The following L3MBTL4 variants were observed in gnomAD, a reference collection of about 807,000 sequenced individuals.
The protein encoded by L3MBTL4 is L3MBTL histone methyl-lysine binding protein 4, also known as lethal(3)malignant brain tumor-like protein 4.
L3MBTL4 carries 70 observed loss-of-function variants against 84.5 expected under a neutral mutation model. The observed-to-expected ratio is 0.83, with a 90% CI of 0.68 to 1.01. The LOEUF (loss-of-function observed/expected upper bound fraction) is 1.01, where lower values mean the gene tolerates loss of function less well. Among genes scored for constraint, L3MBTL4 ranks in the 50% least tolerant of loss-of-function variants. The pLI is 0.00. For missense variants in L3MBTL4, 715 were observed against 754.8 expected (o/e 0.95, Z 0.62); for synonymous variants, 274 against 259.8 (o/e 1.05, Z -0.52).
intron 12 of L3MBTL4, among the ~76,000 whole-genome samples, chr18:6,209,414 G>T (rs2046005427): frequency 7.2e-6 from 1 of 139,398 alleles, no homozygotes. Context: ...GATTTCTTTA[G>T]ACCCGAAGCC....
chr18:6,404,966 G>A (rs1321850539), intron 1 of L3MBTL4, among the ~76,000 whole-genome samples: 3 of 152,128 alleles, frequency 2.0e-5, no homozygotes, highest in African/African-American at 7.2e-5. Flanking sequence ...AAAGTGCTGG[G>A]ATTACAGGTG....
At chr18:6,181,368 C>T (rs570782547) in intron 12 of L3MBTL4, among the ~76,000 whole-genome samples, 1 of 151,992 alleles carries the variant, frequency 6.6e-6, no homozygotes, top group Admixed American at 6.6e-5. Flanking sequence ...CCTTGTCACC[C>T]AGGCTGGAGT....
chr18:6,279,487 A>G (rs1395518483), intron 4 of L3MBTL4, among the ~76,000 whole-genome samples: 3 of 152,142 alleles, frequency 2.0e-5, no homozygotes, highest in African/African-American at 7.2e-5. Context: ...GAATTCCTGA[A>G]TGGGCCCAGT....
In L3MBTL4 at chr18:6,175,679, C is replaced by T. The variant is rs976851698; in HGVS notation, c.982-3737G>A. Among the ~76,000 whole-genome samples, 70 of 152,144 alleles carry T rather than the reference C, an allele frequency of 4.6e-4. 1 individual carries two copies. The highest frequency in any genetic ancestry group is 4.4e-3 in the Admixed American group (67 of 15,270). ...TCAGTAAACTAGAAATAGAAGGGAA[C>T]TCCCTCAGTTTGATAAAAGGCATCT... is the stretch of plus-strand genomic sequence containing the variant. On this transcript the variant is annotated intron_variant, in intron 12 of 18. Transcript: ENST00000317931.
chr18:6,314,326 T>G (rs991583265), intron 1 of L3MBTL4, among the ~76,000 whole-genome samples: 5 of 152,014 alleles, frequency 3.3e-5, no homozygotes, highest in Non-Finnish European at 7.4e-5. Flanking sequence ...TTTGAAAAAA[T>G]ATATAAAGTT....
chr18:6,263,526 C>T (rs2048499758), intron 5 of L3MBTL4, among the ~76,000 whole-genome samples: 1 of 152,160 alleles, frequency 6.6e-6, no homozygotes, highest in East Asian at 1.9e-4. Flanking sequence ...CTTGACTCAC[C>T]ACTCTTAGAA....
At chr18:6,004,050 A>T (rs2054348401) in intron 16 of L3MBTL4, among the ~76,000 whole-genome samples, 1 of 152,116 alleles carries the variant, frequency 6.6e-6, no homozygotes, top group Non-Finnish European at 1.5e-5. Context: ...AAATAAAATA[A>T]GAGGAGAAAA....
intron 16 of L3MBTL4, among the ~76,000 whole-genome samples, chr18:6,075,413 T>C (rs918615996): frequency 6.6e-6 from 1 of 152,154 alleles, no homozygotes; most frequent in Non-Finnish European, 1.5e-5. Context: ...TATGAACTAC[T>C]TGTGTTACTA....
intron 17 of L3MBTL4, among the ~76,000 whole-genome samples, chr18:5,963,549 C>A (rs557519752): frequency 6.6e-6 from 1 of 152,312 alleles, no homozygotes; most frequent in South Asian, 2.1e-4. Context: ...AAGGCTCTGC[C>A]ATTTTGGAAA....
At chr18:5,963,110 G>A (rs752005625) in intron 17 of L3MBTL4, among the ~76,000 whole-genome samples, 24 of 152,176 alleles carry the variant, frequency 1.6e-4, no homozygotes, top group Admixed American at 5.9e-4. Context: ...CCCATGTTTT[G>A]TCAGATGTCA....
chr18:5,962,751 T>G (rs1384548429), intron 17 of L3MBTL4, among the ~76,000 whole-genome samples: 1 of 152,190 alleles, frequency 6.6e-6, no homozygotes, highest in Non-Finnish European at 1.5e-5. Flanking sequence ...CTGTACAGAC[T>G]CATGCTGAGC....
rs944803500 is a variant in L3MBTL4, at chr18:6,312,036, T to A, written c.-70A>T. On this transcript the variant is annotated 5_prime_UTR_variant, in exon 2 of 19. It removes an upstream start codon present in the reference 5' UTR. Coordinates refer to ENST00000317931, the MANE Select transcript of L3MBTL4 (RefSeq NM_001330559.2). Reference sequence around the variant, plus strand: ...TATTCTTGGTAAGAGGTCTTAGTCATACAAGGCATAGCATAGCAATCTGAA... The same window carrying A: ...TATTCTTGGTAAGAGGTCTTAGTCAAACAAGGCATAGCATAGCAATCTGAA... 7 of 163,828 alleles carry A rather than the reference T, an allele frequency of 4.3e-5. No individual in the cohort carries two copies. Among genetic ancestry groups the A allele is most frequent in the Non-Finnish European group, 8.0e-5 (6 of 75,314 alleles). 10.1% of individuals were successfully genotyped at this position (163,828 alleles called of 1,614,324 possible).
chr18:6,186,143 G>C (rs937018548), intron 12 of L3MBTL4, among the ~76,000 whole-genome samples: 12 of 151,908 alleles, frequency 7.9e-5, no homozygotes, highest in African/African-American at 2.4e-4. Context: ...CTCCCAAGTA[G>C]CCGGGACTAC....
rs754128272 is a variant in L3MBTL4 at position 6,311,166 on chromosome 18, C to CTGTG, written c.72+384_72+387dup. Among the ~76,000 whole-genome samples, 300 of 151,782 alleles carry CTGTG rather than the reference C, an allele frequency of 2.0e-3. 2 individuals are homozygous for CTGTG. Among genetic ancestry groups the CTGTG allele is most frequent in the Middle Eastern group, 3.4e-3 (1 of 294 alleles). The stretch of plus-strand genomic sequence containing the variant: ...TCTCGCTTGCTAGCTCTCTCTCGCT[C>CTGTG]TGTGTGTGTGTGTACACAAACACAA... On this transcript the variant is annotated intron_variant, in intron 3 of 18. Transcript: ENST00000317931.
At chr18:6,092,565 G>A (rs2058495383) in intron 15 of L3MBTL4, among the ~76,000 whole-genome samples, 1 of 152,220 alleles carries the variant, frequency 6.6e-6, no homozygotes, top group Admixed American at 6.5e-5. Context: ...CCTTTTGCCT[G>A]TGGCAGGGTC....
intron 4 of L3MBTL4, 126 bp from the exon 5 acceptor site, chr18:6,264,164 T>C: frequency 1.5e-6 from 1 of 666,214 alleles, no homozygotes; most frequent in Non-Finnish European, 2.6e-6. Flanking sequence ...ACCCAGCAAC[T>C]AAGAAGAGTC....
chr18:5,958,903 C>T (rs572956145), intron 18 of L3MBTL4, among the ~76,000 whole-genome samples: 1 of 152,282 alleles, frequency 6.6e-6, no homozygotes, highest in East Asian at 1.9e-4. Context: ...CCCTCTTACC[C>T]TACGTGGACA....
At chr18:6,042,172 CAA>C (rs1262929898) in intron 16 of L3MBTL4, among the ~76,000 whole-genome samples, 1 of 152,144 alleles carries the variant, frequency 6.6e-6, no homozygotes, top group Non-Finnish European at 1.5e-5. Context: ...CTCACTAATT[CAA>C]AGTTTACAGA....
intron 14 of L3MBTL4, among the ~76,000 whole-genome samples, chr18:6,107,446 C>T (rs886561201): frequency 2.0e-5 from 3 of 152,120 alleles, no homozygotes; most frequent in Non-Finnish European, 4.4e-5. Flanking sequence ...GAGGAGCAGC[C>T]TGAGGGATGG....
Sources: gnomAD v4.1 joint callset for allele counts (sites outside exome capture counted in the v4.1 genomes callset) on GRCh38, gnomAD v4.1.1 for gene constraint, MANE v1.5 for transcripts, NCBI Gene and HGNC (gene_info 2026-07-23, HGNC 2026-07-21) for gene names.